IL1RAPL2: variants seen among roughly 807,000 people sequenced by gnomAD.
IL1RAPL2 encodes the protein interleukin 1 receptor accessory protein like 2.
A neutral mutation model predicts 44.1 loss-of-function variants in IL1RAPL2; 3 were observed. The ratio of observed to expected loss-of-function variants is 0.07; its 90% confidence interval spans 0.03 to 0.18. The LOEUF is 0.18. Among genes scored for constraint, IL1RAPL2 ranks in the 10% least tolerant of loss-of-function variants. The probability of loss-of-function intolerance (pLI) is 1.00; values close to 1 mark genes in which losing one functional copy is unlikely to be tolerated. For missense variants in IL1RAPL2, 391 were observed against 496.4 expected (o/e 0.79, Z 2.02); for synonymous variants, 181 against 178.8 (o/e 1.01, Z -0.10).
At chrX:105,191,177 T>TAC (rs1556136867) in intron 2 of IL1RAPL2, among the ~76,000 whole-genome samples, 2 of 112,648 alleles carry the variant, frequency 1.8e-5, no homozygotes, top group East Asian at 5.6e-4. Flanking sequence ...CACTCCATTA[T>TAC]AATTGTTTTG....
intron 2 of IL1RAPL2, among the ~76,000 whole-genome samples, chrX:104,937,846 C>T (rs1420219223): frequency 8.9e-6 from 1 of 112,493 alleles, no homozygotes; most frequent in Non-Finnish European, 1.9e-5. Flanking sequence ...ATTTCATTTT[C>T]TATCTTACTA....
At chrX:104,995,133 C>A (rs1241655152) in intron 2 of IL1RAPL2, among the ~76,000 whole-genome samples, 1 of 111,680 alleles carries the variant, frequency 9.0e-6, no homozygotes, top group Middle Eastern at 4.2e-3. Flanking sequence ...ATGCTTTATT[C>A]TTCTTCATAG....
At chrX:104,860,837 A>T (rs1044497093) in intron 2 of IL1RAPL2, among the ~76,000 whole-genome samples, 2 of 111,255 alleles carry the variant, frequency 1.8e-5, no homozygotes, top group African/African-American at 6.5e-5. Context: ...GTTAAATTGG[A>T]ATCCAGGATT....
chrX:105,009,619 G>A (rs892686966), intron 2 of IL1RAPL2, among the ~76,000 whole-genome samples: 8 of 103,403 alleles, frequency 7.7e-5, no homozygotes, highest in Middle Eastern at 4.8e-3. Context: ...GGAGGGGGGC[G>A]AGATAGCATT....
At chrX:105,293,851 C>G (rs1177911772) in intron 5 of IL1RAPL2, among the ~76,000 whole-genome samples, 4 of 111,760 alleles carry the variant, frequency 3.6e-5, no homozygotes, top group African/African-American at 1.3e-4. Flanking sequence ...AGTCTCAAAA[C>G]AATAACAGAT....
At chrX:104,957,691 A>G (rs2029927481) in intron 2 of IL1RAPL2, among the ~76,000 whole-genome samples, 2 of 112,054 alleles carry the variant, frequency 1.8e-5, no homozygotes, top group African/African-American at 6.5e-5. Flanking sequence ...TGAAAATGTC[A>G]TATCCTTTGT....
intron 2 of IL1RAPL2, among the ~76,000 whole-genome samples, chrX:104,899,125 G>A (rs1025898842): frequency 2.7e-5 from 3 of 111,370 alleles, no homozygotes; most frequent in East Asian, 2.8e-4. Flanking sequence ...ATTTGCAATC[G>A]GCCTATTATA....
intron 2 of IL1RAPL2, among the ~76,000 whole-genome samples, chrX:105,042,794 C>T (rs1190325032): frequency 9.3e-6 from 1 of 108,017 alleles, no homozygotes; most frequent in Non-Finnish European, 1.9e-5. Context: ...TTTATTGCGG[C>T]ACTATTCACA....
chrX:105,334,368 G>A (rs964363731), intron 5 of IL1RAPL2, among the ~76,000 whole-genome samples: 1 of 103,889 alleles, frequency 9.6e-6, no homozygotes, highest in Non-Finnish European at 2.0e-5. Flanking sequence ...GGCTTGGAAT[G>A]GTAGTGGGGT....
chrX:104,807,622 C>T (rs186198903), intron 2 of IL1RAPL2, among the ~76,000 whole-genome samples: 1 of 111,643 alleles, frequency 9.0e-6, no homozygotes, highest in Admixed American at 9.5e-5. Context: ...GTCTCAACCC[C>T]CCAGACGATC....
chrX:104,678,559 C>T (rs1306890940), intron 2 of IL1RAPL2, among the ~76,000 whole-genome samples: 1 of 111,692 alleles, frequency 9.0e-6, no homozygotes, highest in Non-Finnish European at 1.9e-5. Context: ...TGAGCTCTTC[C>T]TCAGTCACTC....
chrX:104,760,939 T>C (rs1319054002), intron 2 of IL1RAPL2, among the ~76,000 whole-genome samples: 1 of 111,549 alleles, frequency 9.0e-6, no homozygotes, highest in Non-Finnish European at 1.9e-5. Flanking sequence ...TTTAATCCAT[T>C]TTGATTTGAT....
At chrX:105,673,518 A>G (rs1376243296) in intron 6 of IL1RAPL2, among the ~76,000 whole-genome samples, 1 of 111,926 alleles carries the variant, frequency 8.9e-6, no homozygotes, top group Admixed American at 9.5e-5. Flanking sequence ...TTATGGCTGC[A>G]TAGTATTCCA....
At chrX:104,666,135 G>A (rs1230572043) in intron 2 of IL1RAPL2, among the ~76,000 whole-genome samples, 1 of 110,627 alleles carries the variant, frequency 9.0e-6, no homozygotes, top group African/African-American at 3.3e-5. Context: ...GACATAGAGA[G>A]AGAGAGAGAT....
chrX:105,550,258 CTCA>C (rs1216713926), intron 6 of IL1RAPL2, among the ~76,000 whole-genome samples: 75 of 112,086 alleles, frequency 6.7e-4, no homozygotes, highest in African/African-American at 2.4e-3. Context: ...TATAAATTCC[CTCA>C]TGTCTTATGT....
At chrX:105,103,091 T>C (rs747876517) in intron 2 of IL1RAPL2, among the ~76,000 whole-genome samples, 1 of 111,810 alleles carries the variant, frequency 8.9e-6, no homozygotes. Context: ...CCTGGAACAG[T>C]GCCCAGAATG....
At chrX:105,186,978 C>T (rs1189247928) in intron 2 of IL1RAPL2, among the ~76,000 whole-genome samples, 2 of 111,796 alleles carry the variant, frequency 1.8e-5, no homozygotes, top group Non-Finnish European at 3.8e-5. Context: ...TGTCTGCCAT[C>T]ATGCTATACT....
intron 2 of IL1RAPL2, among the ~76,000 whole-genome samples, chrX:105,168,240 T>C (rs973786136): frequency 1.8e-5 from 2 of 111,832 alleles, no homozygotes; most frequent in African/African-American, 6.5e-5. Flanking sequence ...ATACATTTTA[T>C]AGTTTTTTAT....
intron 2 of IL1RAPL2, among the ~76,000 whole-genome samples, chrX:104,869,857 C>A (rs188845337): frequency 1.8e-5 from 2 of 112,042 alleles, no homozygotes; most frequent in African/African-American, 6.5e-5. Flanking sequence ...TTCATTTCTT[C>A]TTTAGGATCT....
Sources: gnomAD v4.1 joint callset for allele counts (sites outside exome capture counted in the v4.1 genomes callset) on GRCh38, gnomAD v4.1.1 for gene constraint, MANE v1.5 for transcripts, NCBI Gene and HGNC (gene_info 2026-07-23, HGNC 2026-07-21) for gene names.